The following LINGO2 variants were observed in gnomAD, a reference collection of about 807,000 sequenced individuals.
LINGO2 encodes the protein leucine rich repeat and Ig domain containing 2, also known as leucine-rich repeat and immunoglobulin-like domain-containing nogo receptor-interacting protein 2.
In LINGO2, 14 loss-of-function variants were observed where a neutral mutation model predicts 30.6. The observed-to-expected ratio is 0.46, with a 90% CI of 0.30 to 0.72. The LOEUF (loss-of-function observed/expected upper bound fraction) is 0.72, where lower values mean the gene tolerates loss of function less well. LINGO2 is among the 30% of genes least tolerant of loss of function. LINGO2 has a pLI of 0.07. For synonymous variants in LINGO2, 317 were observed against 288.5 expected (o/e 1.10, Z -1.00); for missense variants, 729 against 751.7 (o/e 0.97, Z 0.35).
At chr9:28,705,322 A>T in the LINGO2 span, among the ~76,000 whole-genome samples, 6 of 152,174 alleles carry the variant, frequency 3.9e-5, no homozygotes, top group African/African-American at 1.4e-4. Flanking sequence ...GAAGACAAAT[A>T]ACAGTCCTAT....
intron 1 of LINGO2, among the ~76,000 whole-genome samples, chr9:28,556,090 C>A (rs1008003264): frequency 6.6e-6 from 1 of 152,026 alleles, no homozygotes; most frequent in African/African-American, 2.4e-5. Context: ...GGGCACAAGA[C>A]AGGGATGCCC....
At chr9:28,917,388 C>T in the LINGO2 span, among the ~76,000 whole-genome samples, 1 of 150,194 alleles carries the variant, frequency 6.7e-6, no homozygotes, top group Non-Finnish European at 1.5e-5. Context: ...CTCCATTTTC[C>T]ACCCATCCAT....
At chr9:28,185,734 C>T (rs1414454431) in intron 4 of LINGO2, among the ~76,000 whole-genome samples, 4 of 152,078 alleles carry the variant, frequency 2.6e-5, no homozygotes, top group Non-Finnish European at 4.4e-5. Flanking sequence ...GCTACAGATA[C>T]TCCTAGGGAT....
chr9:28,878,016 T>G, the LINGO2 span, among the ~76,000 whole-genome samples: 1 of 152,192 alleles, frequency 6.6e-6, no homozygotes, highest in East Asian at 1.9e-4. Context: ...TTGAAGCAAT[T>G]GTGAAACCCT....
chr9:28,077,010 A>T (rs1338822869), intron 4 of LINGO2, among the ~76,000 whole-genome samples: 1 of 152,212 alleles, frequency 6.6e-6, no homozygotes, highest in Non-Finnish European at 1.5e-5. Context: ...GACAGAAGTA[A>T]GTAGGGGTAC....
intron 4 of LINGO2, among the ~76,000 whole-genome samples, chr9:28,131,702 T>C (rs567110278): frequency 2.6e-5 from 4 of 152,254 alleles, no homozygotes; most frequent in South Asian, 4.1e-4. Flanking sequence ...CCTTAATACA[T>C]TCTCACTCAC....
the LINGO2 span, among the ~76,000 whole-genome samples, chr9:29,194,625 C>T: frequency 2.2e-4 from 34 of 152,202 alleles, no homozygotes; most frequent in Admixed American, 1.3e-3. Context: ...TCAAATATTC[C>T]GAACACTTAC....
chr9:29,061,964 C>A, the LINGO2 span, among the ~76,000 whole-genome samples: 1 of 151,892 alleles, frequency 6.6e-6, no homozygotes, highest in African/African-American at 2.4e-5. Context: ...TAAAAATATT[C>A]TTCAATTCAA....
intron 2 of LINGO2, among the ~76,000 whole-genome samples, chr9:28,398,254 C>T (rs1329108496): frequency 6.6e-6 from 1 of 152,092 alleles, no homozygotes; most frequent in Non-Finnish European, 1.5e-5. Context: ...GACACTGTAC[C>T]TGAATTTAGA....
At chr9:28,034,756 A>T (rs1419626224) in intron 4 of LINGO2, among the ~76,000 whole-genome samples, 1 of 152,214 alleles carries the variant, frequency 6.6e-6, no homozygotes, top group Non-Finnish European at 1.5e-5. Flanking sequence ...TATTTTTATA[A>T]ATTATATGTG....
At chr9:28,281,301 T>C (rs1243053243) in intron 4 of LINGO2, among the ~76,000 whole-genome samples, 1 of 152,118 alleles carries the variant, frequency 6.6e-6, no homozygotes, top group Non-Finnish European at 1.5e-5. Context: ...TAATGTAGTA[T>C]TCAAATTTGA....
At chr9:28,487,176 A>G (rs1039409824) in intron 1 of LINGO2, among the ~76,000 whole-genome samples, 7 of 152,186 alleles carry the variant, frequency 4.6e-5, no homozygotes, top group African/African-American at 1.7e-4. Flanking sequence ...GTAGGAAACT[A>G]GCTTCTTTTC....
chr9:29,165,171 T>C, the LINGO2 span, among the ~76,000 whole-genome samples: 33 of 152,304 alleles, frequency 2.2e-4, no homozygotes, highest in African/African-American at 7.2e-4. Context: ...GGAAAACTTA[T>C]ATCTATATTT....
the LINGO2 span, among the ~76,000 whole-genome samples, chr9:28,702,018 T>C: frequency 6.6e-6 from 1 of 151,906 alleles, no homozygotes; most frequent in African/African-American, 2.4e-5. Flanking sequence ...GACTTTGTTG[T>C]TGTTGATACT....
chr9:28,237,124 G>GT (rs369633626), intron 4 of LINGO2, among the ~76,000 whole-genome samples: 28 of 132,056 alleles, frequency 2.1e-4, no homozygotes, highest in South Asian at 1.8e-3. Flanking sequence ...GTGCGGGGGG[G>GT]GGGTAAAGTT....
the LINGO2 span, among the ~76,000 whole-genome samples, chr9:28,887,083 A>T: frequency 6.6e-6 from 1 of 152,128 alleles, no homozygotes; most frequent in African/African-American, 2.4e-5. Context: ...GTGAGGCAGG[A>T]CCTTGTACAT....
At chr9:28,867,628 G>C in the LINGO2 span, among the ~76,000 whole-genome samples, 5 of 152,136 alleles carry the variant, frequency 3.3e-5, no homozygotes, top group Admixed American at 1.3e-4. Flanking sequence ...CATAAAGCAT[G>C]TGTATTACTT....
At chr9:29,022,990 A>G in the LINGO2 span, among the ~76,000 whole-genome samples, 45 of 151,980 alleles carry the variant, frequency 3.0e-4, no homozygotes, top group African/African-American at 9.4e-4. Context: ...AAAAAAAAAA[A>G]AGAGAGAAAT....
At chr9:28,422,515 G>C (rs1465537706) in intron 2 of LINGO2, among the ~76,000 whole-genome samples, 1 of 151,960 alleles carries the variant, frequency 6.6e-6, no homozygotes, top group Non-Finnish European at 1.5e-5. Context: ...AAAGAAAGCA[G>C]AAAATAGTAA....
Sources: allele counts gnomAD v4.1 joint callset (sites outside exome capture counted in the v4.1 genomes callset), GRCh38; gene constraint gnomAD v4.1.1; transcripts MANE v1.5; gene names NCBI Gene and HGNC (gene_info 2026-07-23, HGNC 2026-07-21).